Variants in KIF21A observed in about 807,000 individuals in gnomAD.
The protein encoded by KIF21A is kinesin family member 21A, also known as kinesin-like protein KIF21A.
In KIF21A, 114 loss-of-function variants were observed where a neutral mutation model predicts 202.9. The ratio of observed to expected loss-of-function variants is 0.56; its 90% CI spans 0.48 to 0.66. The LOEUF (loss-of-function observed/expected upper bound fraction) is 0.66. Among genes scored for constraint, KIF21A ranks in the 30% least tolerant of loss-of-function variants. The pLI is 0.00. For synonymous variants in KIF21A, 667 were observed against 670.8 expected, an observed-to-expected ratio of 0.99 and a Z score of 0.09; for missense variants, 1,677 against 1,994.9, an observed-to-expected ratio of 0.84 and a Z score of 3.04.
intron 24 of KIF21A, among the ~76,000 whole-genome samples, chr12:39,328,206 T>A (rs1331116761): frequency 6.6e-6 from 1 of 152,074 alleles, no homozygotes; most frequent in African/African-American, 2.4e-5. Flanking sequence ...GCAAATAATA[T>A]GGCTTATGCT....
intron 1 of KIF21A, among the ~76,000 whole-genome samples, chr12:39,403,677 G>A (rs1485770154): frequency 6.6e-6 from 1 of 152,092 alleles, no homozygotes; most frequent in African/African-American, 2.4e-5. Context: ...GGCAATAGAT[G>A]TAATAGTGAC....
At chr12:39,333,364 C>T in intron 17 of KIF21A, 84 bp from the exon 18 acceptor site, 1 of 1,001,128 alleles carries the variant, frequency 1.0e-6, no homozygotes, top group South Asian at 1.3e-5. Context: ...TTTCCCCATA[C>T]CCCTGGGAAC....
Position 39,378,857 on chromosome 12 carries a change from A to G in KIF21A, c.45-8596T>C, listed in dbSNP as rs184495077. Among the ~76,000 whole-genome samples the G allele has an allele frequency of 3.1e-3, 477 of 152,264 alleles. 5 individuals are homozygous for G. The highest frequency in any genetic ancestry group is 0.011 in the African/African-American group (469 of 41,546). ...AAGATTAGCCAGAGGGTAATGGGGG[A>G]GGAACAGGAAAAACTGCATACAGGA... On this transcript the variant is annotated intron_variant, in intron 1 of 37. Coordinates refer to ENST00000361418, the MANE Select transcript of KIF21A (RefSeq NM_001173464.2).
chr12:39,307,651 G>A lies in KIF21A; in HGVS notation c.4356C>T (p.Asn1452=), dbSNP rs1176796807. 2 of 1,613,964 alleles carry A rather than the reference G, an allele frequency of 1.2e-6. No individual in the cohort carries two copies. The highest frequency in any genetic ancestry group is 1.7e-6 in the Non-Finnish European group (2 of 1,179,868). The change falls in exon 34 of 38, where the codon AAC becomes AAT. Residue 1452 remains asparagine (N), a synonymous_variant. Coordinates refer to ENST00000361418, the MANE Select transcript of KIF21A (RefSeq NM_001173464.2). ...SRTVAIPSGE[N]QINQIALNPT... ...GGTTTAGGGCAATTTGATTGATCTG[G>A]TTCTCTCCAGAAGGAATAGCTACTG...
intron 1 of KIF21A, among the ~76,000 whole-genome samples, chr12:39,428,613 A>G (rs1374802485): frequency 1.3e-5 from 2 of 152,226 alleles, no homozygotes; most frequent in Non-Finnish European, 1.5e-5. Flanking sequence ...GAAAAGTAAA[A>G]TTAATCAAAT....
intron 10 of KIF21A, among the ~76,000 whole-genome samples, chr12:39,353,551 A>C (rs749895774): frequency 2.0e-5 from 3 of 152,164 alleles, no homozygotes; most frequent in Non-Finnish European, 4.4e-5. Context: ...CTATATTTTT[A>C]ATTTCTAGCA....
chr12:39,332,949 C>T lies in KIF21A; in HGVS notation c.2646G>A (p.Met882Ile), dbSNP rs1946636515. 4 of 1,614,156 alleles carry T rather than the reference C, an allele frequency of 2.5e-6. No individual in the cohort carries two copies. The highest frequency in any genetic ancestry group is 1.3e-5 in the African/African-American group (1 of 75,062). The change falls in exon 19 of 38, where the codon ATG becomes ATA. Residue 882 changes from methionine (M) to isoleucine (I), a missense_variant. Met to Ile is a conservative substitution (Grantham distance 10). Coordinates refer to ENST00000361418, the MANE Select transcript of KIF21A (RefSeq NM_001173464.2). The part of the protein sequence containing the change: ...DASRTGAQQK[M>I]RIPVARVQAL... The stretch of plus-strand genomic sequence containing the variant: ...CCTGGACTCTCGCCACAGGAATTCT[C>T]ATTTTCTGCTGGGCTCCTGTCCTTG...
At chr12:39,296,071 CT>C (rs34130884) in intron 37 of KIF21A, among the ~76,000 whole-genome samples, 16,813 of 109,360 alleles carry the variant, frequency 0.15, 1,795 homozygotes, top group African/African-American at 0.32. Flanking sequence ...TTGGGATACG[CT>C]TTTTTTTTTT....
intron 1 of KIF21A, among the ~76,000 whole-genome samples, chr12:39,404,848 A>G (rs1952457034): frequency 6.6e-6 from 1 of 152,208 alleles, no homozygotes; most frequent in Non-Finnish European, 1.5e-5. Flanking sequence ...AAAATTAGTG[A>G]TACCTTCATA....
At position 39,333,125 on chromosome 12, in the gene KIF21A, G is replaced by T; in HGVS notation, c.2488-18C>A. ...GCCGTAACCTGAAATTGCAGCAAAG[G>T]TTGACTCATTCTCTTAGTCTATAGA... On this transcript the variant is annotated intron_variant, in intron 18 of 37. Coordinates refer to ENST00000361418, the MANE Select transcript of KIF21A (RefSeq NM_001173464.2). 1 of 1,610,748 alleles carries T rather than the reference G, an allele frequency of 6.2e-7. No individual in the cohort carries two copies. The highest frequency in any genetic ancestry group is 8.5e-7 in the Non-Finnish European group (1 of 1,177,052).
Position 39,293,456 on chromosome 12 carries a change from A to G in KIF21A, c.*968T>C, listed in dbSNP as rs1392370875. ...TAAAAATTCATACAGGCACAACACA[A>G]GATAGTCTCTCTATACAATCTACCT... On this transcript the variant is annotated 3_prime_UTR_variant, in exon 38 of 38. Transcript: ENST00000361418. 2 of 152,632 alleles carry G rather than the reference A, an allele frequency of 1.3e-5. No individual in the cohort carries two copies. The highest frequency in any genetic ancestry group is 2.9e-5 in the Non-Finnish European group (2 of 68,024). The allele number at this position is 152,632 out of a possible 1,614,324, so 9.5% of individuals were successfully genotyped here.
At chr12:39,365,457 T>G (rs1330918520) in intron 6 of KIF21A, among the ~76,000 whole-genome samples, 1 of 152,190 alleles carries the variant, frequency 6.6e-6, no homozygotes, top group Non-Finnish European at 1.5e-5. Flanking sequence ...AAGAACAAAT[T>G]TAAAACACAA....
In KIF21A at chr12:39,330,798, C is replaced by A. The variant is rs1946441676; in HGVS notation, c.3267G>T (p.Glu1089Asp). The change falls in exon 23 of 38, where the codon GAG becomes GAT. Residue 1089 changes from glutamate to aspartate, a missense_variant. Glu to Asp is a conservative substitution (Grantham distance 45, BLOSUM62 2). Coordinates refer to ENST00000361418, the MANE Select transcript of KIF21A (RefSeq NM_001173464.2). ...QNQLLFHMLK[E>D]KAELNPELDA... ...CTAGCTCAGGATTTAATTCTGCCTT[C>A]TCTTTCAACATATGGAATAAGAGCT... 1 of 1,614,004 alleles carries A rather than the reference C, an allele frequency of 6.2e-7. No homozygotes were observed. The highest frequency in any genetic ancestry group is 2.2e-5 in the East Asian group (1 of 44,868).
chr12:39,294,513 G>A lies in KIF21A; in HGVS notation c.4936C>T (p.Arg1646Ter), dbSNP rs777458254. The stretch of plus-strand genomic sequence containing the variant: ...CGAGCCTTCCAAATTCTCACAGTTC[G>A]ATCACTACAAAAAAATAAACAAAAC... ...STHIFTAADD[R>*]TVRIWKARNL... Residue 1646 changes from arginine (R) to a stop codon, truncating the protein, a stop_gained, in exon 38 of 38, where the codon CGA (arginine) becomes TGA (stop). Coordinates refer to ENST00000361418, the MANE Select transcript of KIF21A (RefSeq NM_001173464.2). LOFTEE classifies it high-confidence loss of function. 6.2e-7 allele frequency: 1 copy of A among 1,611,896 alleles called. No individual in the cohort carries two copies.
intron 1 of KIF21A, among the ~76,000 whole-genome samples, chr12:39,370,529 A>C (rs758466424): frequency 2.0e-5 from 3 of 152,150 alleles, no homozygotes; most frequent in Non-Finnish European, 4.4e-5. Context: ...TACTTACCCA[A>C]GTGGATACTT....
Position 39,311,332 on chromosome 12 carries a change from T to C in KIF21A, c.4096+85A>G. On this transcript the variant is annotated intron_variant, in intron 32 of 37. Transcript: ENST00000361418. ...CCGATTCTTTCTGGTCTTAAATAGT[T>C]TGACAGTTTTCTAGAATATGTTAAA... 2.4e-6 allele frequency: 3 copies of C among 1,244,830 alleles called. No individual in the cohort carries two copies. In the Admixed American group the frequency reaches 5.5e-5, roughly 23 times the overall value. 77.1% of individuals were successfully genotyped at this position (1,244,830 alleles called of 1,614,324 possible). A position where few individuals can be genotyped will look rare whatever the true frequency, so the allele number is the denominator to read the frequency against.
chr12:39,430,007 A>ATTAT (rs1453844059), intron 1 of KIF21A, among the ~76,000 whole-genome samples: 4 of 152,126 alleles, frequency 2.6e-5, no homozygotes, highest in Admixed American at 2.0e-4. Context: ...AAGGCTCATA[A>ATTAT]AAGTTAAGTG....
intron 1 of KIF21A, among the ~76,000 whole-genome samples, chr12:39,375,110 T>C (rs1950188218): frequency 6.6e-6 from 1 of 152,164 alleles, no homozygotes; most frequent in Non-Finnish European, 1.5e-5. Flanking sequence ...GTCTTAAAAG[T>C]GGGCCCTGCC....
At chr12:39,326,472 A>G (rs1201051081) in intron 24 of KIF21A, 148 bp from the exon 25 acceptor site, 13 of 682,212 alleles carry the variant, frequency 1.9e-5, no homozygotes, top group South Asian at 1.9e-4. Flanking sequence ...ACAGAATTGT[A>G]GAAAAGTATT....
Sources: gnomAD v4.1 joint callset for allele counts (sites outside exome capture counted in the v4.1 genomes callset) on GRCh38, gnomAD v4.1.1 for gene constraint, MANE v1.5 for transcripts, NCBI Gene and HGNC (gene_info 2026-07-23, HGNC 2026-07-21) for gene names.